The following PRAMEF20 variants were observed in gnomAD, a reference collection of about 807,000 sequenced individuals.
The protein encoded by PRAMEF20 is PRAME family member 20.
Under a neutral mutation model 32.4 loss-of-function variants are expected in PRAMEF20, and 27 were observed. The observed-to-expected ratio is 0.83, with a 90% CI of 0.61 to 1.15. The LOEUF is 1.15. Among genes scored for constraint, PRAMEF20 ranks in the 50% most tolerant of loss-of-function variants. The pLI, the probability that PRAMEF20 is intolerant of heterozygous loss-of-function variation, is 0.00. For missense variants in PRAMEF20, 604 were observed against 584.5 expected, an observed-to-expected ratio of 1.03 and a Z score of -0.34; for synonymous variants, 256 against 235.4, an observed-to-expected ratio of 1.09 and a Z score of -0.80.
upstream of PRAMEF20, among the ~76,000 whole-genome samples, chr1:13,415,874 T>A (rs1641164217): frequency 6.6e-6 from 1 of 151,878 alleles, no homozygotes; most frequent in African/African-American, 2.4e-5. Flanking sequence ...AGAAAGAAAG[T>A]AAGCTTAAAT....
chr1:13,416,132 C>G (rs1007847175), upstream of PRAMEF20, among the ~76,000 whole-genome samples: 39 of 152,184 alleles, frequency 2.6e-4, no homozygotes, highest in African/African-American at 9.2e-4. Flanking sequence ...GGTGGCCCTG[C>G]CTCCTCACTG....
chr1:13,418,782 A>C, intron 2 of PRAMEF20, 82 bp downstream of exon 3: 1 of 1,602,956 alleles, frequency 6.2e-7, no homozygotes, highest in South Asian at 1.1e-5. Context: ...GAGCCAGCCT[A>C]TGAGGATGTA....
At chr1:13,411,854 T>C (rs1165726836), upstream of PRAMEF20, among the ~76,000 whole-genome samples, 1 of 152,112 alleles carries the variant, frequency 6.6e-6, no homozygotes, top group Non-Finnish European at 1.5e-5. Flanking sequence ...TGACCAAGAC[T>C]TTCCGAGTTG....
chr1:13,418,253 G>GGAT, exon 2 of PRAMEF20: 2 of 1,613,856 alleles, frequency 1.2e-6, no homozygotes, highest in South Asian at 2.2e-5. Context: ...GACTGTCCAA[G>GGAT]GATGAGAGGA....
At chr1:13,421,165 G>T in exon 3 of PRAMEF20, 2 of 1,613,926 alleles carry the variant, frequency 1.2e-6, no homozygotes, top group Non-Finnish European at 1.7e-6. Context: ...GGGCCTTAAG[G>T]GAGCCCGAGA....
exon 1 of PRAMEF20, chr1:13,416,392 C>G (rs764804487): frequency 6.2e-6 from 10 of 1,612,110 alleles, no homozygotes; most frequent in Non-Finnish European, 8.5e-6. Flanking sequence ...CTGGAGCTGG[C>G]GGGGCGGAGC....
chr1:13,417,973 A>T (rs1194710275), intron 1 of PRAMEF20, 149 bp from the exon 3 acceptor site: 1 of 1,130,822 alleles, frequency 8.8e-7, no homozygotes, highest in Non-Finnish European at 1.3e-6. Context: ...ACGGGGTTTC[A>T]CCATGCTAGC....
intron 2 of PRAMEF20, among the ~76,000 whole-genome samples, 185 bp downstream of exon 3, chr1:13,418,885 G>C (rs1024273528): frequency 4.6e-5 from 7 of 152,214 alleles, no homozygotes; most frequent in African/African-American, 7.2e-5. Flanking sequence ...ATCAGCTGGG[G>C]TAGATGCTAT....
chr1:13,414,468 G>GC (rs1313821755), upstream of PRAMEF20, among the ~76,000 whole-genome samples: 1 of 151,412 alleles, frequency 6.6e-6, no homozygotes, highest in Non-Finnish European at 1.5e-5. Context: ...TTTACTAAAA[G>GC]TTTTTTTTGA....
upstream of PRAMEF20, among the ~76,000 whole-genome samples, chr1:13,415,662 T>G (rs1641160746): frequency 6.6e-6 from 1 of 151,954 alleles, no homozygotes; most frequent in Admixed American, 6.6e-5. Context: ...TGGTGATGCA[T>G]GCCTGTGGTC....
chr1:13,421,009 C>G lies in PRAMEF20; in HGVS notation c.1179C>G (p.Thr393=), dbSNP rs984110027. The change falls in exon 3 of 3, where the codon ACC becomes ACG. Residue 393 remains threonine, a synonymous_variant. Coordinates refer to ENST00000602960, the Ensembl canonical transcript of PRAMEF20. Reference sequence around the variant, plus strand: ...GTGGAAATCCCATCTCCACGGCCACCCTGGAGAACCTGCTGTGCCACACAA... The same window carrying G: ...GTGGAAATCCCATCTCCACGGCCACGCTGGAGAACCTGCTGTGCCACACAA... The G allele has an allele frequency of 2.5e-6, 4 of 1,613,876 alleles. No individual in the cohort carries two copies. The Admixed American group carries it at 5.0e-5, about 20-fold the overall frequency.
upstream of PRAMEF20, among the ~76,000 whole-genome samples, chr1:13,411,686 A>G (rs1159098446): frequency 1.3e-5 from 2 of 152,164 alleles, no homozygotes; most frequent in Non-Finnish European, 2.9e-5. Context: ...TGAGAACCAC[A>G]TTCCATTTCT....
At chr1:13,416,120 G>A (rs1569865334), upstream of PRAMEF20, among the ~76,000 whole-genome samples, 1 of 152,252 alleles carries the variant, frequency 6.6e-6, no homozygotes, top group African/African-American at 2.4e-5. Context: ...GGAAGGGCTA[G>A]TGGTGGCCCT....
chr1:13,416,326 C>T, upstream of PRAMEF20: 2 of 1,608,906 alleles, frequency 1.2e-6, no homozygotes, highest in Non-Finnish European at 1.7e-6. Flanking sequence ...GATTTGTCCT[C>T]TGGAACTTTT....
Position 13,417,297 on chromosome 1 carries a change from T to A in PRAMEF20, c.287+656T>A, listed in dbSNP as rs950890118. On this transcript the variant is annotated intron_variant, in intron 1 of 2. Coordinates refer to ENST00000602960, the Ensembl canonical transcript of PRAMEF20. ...TCCCCACGATTGGCTACTTTTAGAATCCTGCTGATTGGTGCATTTTATAGA... is the reference window on the plus strand; with the variant it reads ...TCCCCACGATTGGCTACTTTTAGAAACCTGCTGATTGGTGCATTTTATAGA... 1.9e-3 allele frequency among the ~76,000 whole-genome samples: 292 copies of A among 152,200 alleles called. 4 individuals are homozygous for A. Among genetic ancestry groups the A allele is most frequent in the Admixed American group, 0.017 (266 of 15,282 alleles).
chr1:13,418,452 T>C, exon 2 of PRAMEF20: 2 of 1,613,952 alleles, frequency 1.2e-6, no homozygotes, highest in Admixed American at 1.7e-5. Context: ...ACCTAGACTG[T>C]ATCCAGGAGG....
intron 1 of PRAMEF20, 67 bp from the exon 3 acceptor site, chr1:13,418,055 T>G: frequency 1.9e-6 from 3 of 1,606,322 alleles, no homozygotes; most frequent in East Asian, 2.2e-5. Context: ...ATTACAAGCG[T>G]GAGCCACTGA....
chr1:13,419,973 G>T (rs1052998180), intron 2 of PRAMEF20, among the ~76,000 whole-genome samples: 2 of 152,156 alleles, frequency 1.3e-5, no homozygotes, highest in African/African-American at 4.8e-5. Flanking sequence ...AATGGTGAAA[G>T]TGATAGATGG....
rs1641204965 is a variant in PRAMEF20, at chr1:13,418,301, A to G, written c.467A>G (p.Lys156Arg). 7 of 1,613,944 alleles carry G rather than the reference A, an allele frequency of 4.3e-6. No homozygotes were observed. In the African/African-American group the frequency reaches 6.7e-5, roughly 15 times the overall value. Reference sequence around the variant, plus strand: ...ACTGTGTTCATAGACCTTTGCCTCAAGAACAGGACTCTGGATGAATACTTC... The same window carrying G: ...ACTGTGTTCATAGACCTTTGCCTCAGGAACAGGACTCTGGATGAATACTTC... Residue 156 changes from lysine (K) to arginine (R), a missense_variant, in exon 2 of 3, where the codon AAG (lysine) becomes AGG (arginine). Physicochemically the swap from Lys to Arg is conservative, Grantham distance 26 (BLOSUM62 2). Transcript: ENST00000602960.
Sources: gnomAD v4.1 joint callset for allele counts (sites outside exome capture counted in the v4.1 genomes callset) on GRCh38, gnomAD v4.1.1 for gene constraint, MANE v1.5 for transcripts, NCBI Gene and HGNC (gene_info 2026-07-23, HGNC 2026-07-21) for gene names.